Variants in ME1 observed in about 807,000 individuals in gnomAD.
ME1 encodes the protein NADP-dependent malic enzyme.
Under a neutral mutation model 66.4 loss-of-function variants are expected in ME1, and 74 were observed. That is an observed-to-expected ratio of 1.11 (90% CI 0.92 to 1.35). The LOEUF (loss-of-function observed/expected upper bound fraction) is 1.35. ME1 is among the 40% of genes most tolerant of loss of function. The probability of loss-of-function intolerance (pLI) is 0.00; values close to 1 mark genes in which losing one functional copy is unlikely to be tolerated. For missense variants in ME1, 750 were observed against 694.1 expected (o/e 1.08, Z -0.90); for synonymous variants, 251 against 235.6 (o/e 1.07, Z -0.60).
intron 5 of ME1, among the ~76,000 whole-genome samples, chr6:83,325,948 C>CAAAAAAAAAAAAAAAAAA (rs199839173): frequency 2.5e-5 from 3 of 120,818 alleles, no homozygotes; most frequent in Non-Finnish European, 3.5e-5. Flanking sequence ...ACGAAGCAAA[C>CAAAAAAAAAAAAAAAAAA]AAAAAAAAAA....
chr6:83,227,941 T>C (rs1270300159), intron 10 of ME1, among the ~76,000 whole-genome samples: 2 of 152,180 alleles, frequency 1.3e-5, no homozygotes, highest in African/African-American at 4.8e-5. Context: ...AATAAAGCAA[T>C]TAGCATAATG....
chr6:83,422,426 A>C (rs1251812849), intron 1 of ME1, among the ~76,000 whole-genome samples: 1 of 152,212 alleles, frequency 6.6e-6, no homozygotes, highest in Non-Finnish European at 1.5e-5. Flanking sequence ...CATAATATGC[A>C]AATGTCCAGA....
chr6:83,404,334 C>A (rs1296337074), intron 2 of ME1, among the ~76,000 whole-genome samples: 2 of 152,088 alleles, frequency 1.3e-5, no homozygotes, highest in Admixed American at 6.6e-5. Context: ...ATCCTTTGCC[C>A]ACTTTTTGAT....
chr6:83,317,470 G>C (rs1238127011), intron 5 of ME1, among the ~76,000 whole-genome samples: 1 of 151,584 alleles, frequency 6.6e-6, no homozygotes, highest in South Asian at 2.1e-4. Context: ...CTGTTTGTCT[G>C]TTGTTGGTGT....
chr6:83,324,800 G>C (rs189715974), intron 5 of ME1, among the ~76,000 whole-genome samples: 1 of 150,664 alleles, frequency 6.6e-6, no homozygotes, highest in East Asian at 1.9e-4. Flanking sequence ...AAGAGGAGCT[G>C]GTACCATTCC....
chr6:83,281,806 CAAAAAAAA>C (rs140157932), intron 6 of ME1, among the ~76,000 whole-genome samples: 21 of 13,280 alleles, frequency 1.6e-3, no homozygotes, highest in African/African-American at 5.9e-3. Flanking sequence ...ACTCTGTCTC[CAAAAAAAA>C]AAAAAAAAAA....
At chr6:83,228,702 G>A (rs984366908) in intron 10 of ME1, 124 bp downstream of exon 10, 7 of 676,838 alleles carry the variant, frequency 1.0e-5, no homozygotes, top group African/African-American at 3.6e-5. Context: ...GGGTACTGTC[G>A]CTTGAGCGAA....
chr6:83,374,172 A>G (rs1191861350), intron 3 of ME1, among the ~76,000 whole-genome samples: 1 of 152,214 alleles, frequency 6.6e-6, no homozygotes, highest in South Asian at 2.1e-4. Flanking sequence ...TGGAGGAATC[A>G]CCACACTGTC....
At chr6:83,241,126 A>G (rs1004538128) in intron 7 of ME1, among the ~76,000 whole-genome samples, 3 of 152,140 alleles carry the variant, frequency 2.0e-5, no homozygotes, top group Non-Finnish European at 2.9e-5. Flanking sequence ...TATATTCACT[A>G]GAGTCATTAA....
intron 7 of ME1, among the ~76,000 whole-genome samples, chr6:83,239,960 T>A (rs1790480423): frequency 6.6e-6 from 1 of 152,116 alleles, no homozygotes; most frequent in African/African-American, 2.4e-5. Context: ...TGAAAGAATT[T>A]AGAGAAATTA....
chr6:83,282,139 A>G (rs1767309376), intron 6 of ME1, among the ~76,000 whole-genome samples: 1 of 152,114 alleles, frequency 6.6e-6, no homozygotes, highest in African/African-American at 2.4e-5. Flanking sequence ...AGATAAATGT[A>G]AACCTTAAAA....
chr6:83,259,308 G>T (rs1269115855), intron 6 of ME1, among the ~76,000 whole-genome samples: 1 of 152,080 alleles, frequency 6.6e-6, no homozygotes, highest in East Asian at 1.9e-4. Context: ...AATGCTCACT[G>T]GGAAAATAGT....
intron 1 of ME1, among the ~76,000 whole-genome samples, chr6:83,409,153 A>T (rs1770000334): frequency 6.6e-6 from 1 of 152,168 alleles, no homozygotes; most frequent in Non-Finnish European, 1.5e-5. Flanking sequence ...CAGTACCTTG[A>T]TGTTGGACTT....
intron 9 of ME1, among the ~76,000 whole-genome samples, chr6:83,229,575 T>C (rs1790259831): frequency 6.6e-6 from 1 of 152,226 alleles, no homozygotes; most frequent in Non-Finnish European, 1.5e-5. Flanking sequence ...CATATTTCAT[T>C]TGATCCCCTC....
intron 3 of ME1, among the ~76,000 whole-genome samples, chr6:83,370,688 G>A (rs559592417): frequency 6.6e-6 from 1 of 151,916 alleles, no homozygotes; most frequent in African/African-American, 2.4e-5. Flanking sequence ...TGAAGTAAAG[G>A]GGAAAAAAGC....
At chr6:83,251,814 A>C (rs1271212799) in intron 7 of ME1, among the ~76,000 whole-genome samples, 1 of 152,198 alleles carries the variant, frequency 6.6e-6, no homozygotes, top group African/African-American at 2.4e-5. Context: ...CAGGATTTTC[A>C]TCTTTATCCT....
At chr6:83,416,127 C>T (rs184851840) in intron 1 of ME1, among the ~76,000 whole-genome samples, 1 of 152,166 alleles carries the variant, frequency 6.6e-6, no homozygotes, top group African/African-American at 2.4e-5. Flanking sequence ...TGGAGATTTG[C>T]CTCAATTATT....
At chr6:83,388,893 A>T (rs1224147223) in intron 3 of ME1, among the ~76,000 whole-genome samples, 2 of 152,112 alleles carry the variant, frequency 1.3e-5, no homozygotes, top group African/African-American at 4.8e-5. Context: ...AGATGGATGG[A>T]TCTCTTGAGC....
intron 3 of ME1, among the ~76,000 whole-genome samples, chr6:83,362,514 C>T (rs1009616707): frequency 5.9e-5 from 9 of 152,196 alleles, no homozygotes; most frequent in Non-Finnish European, 1.0e-4. Flanking sequence ...GCGGAGGTTA[C>T]GTATGGGCTC....
Sources: gnomAD v4.1 joint callset for allele counts (sites outside exome capture counted in the v4.1 genomes callset) on GRCh38, gnomAD v4.1.1 for gene constraint, MANE v1.5 for transcripts, NCBI Gene and HGNC (gene_info 2026-07-23, HGNC 2026-07-21) for gene names.